ZNF251: variants seen among roughly 807,000 people sequenced by gnomAD.
The protein encoded by ZNF251 is zinc finger protein 251.
A neutral mutation model predicts 13.5 loss-of-function variants in ZNF251; 14 were observed. The ratio of observed to expected loss-of-function variants is 1.04; its 90% confidence interval spans 0.69 to 1.63. ZNF251 has a LOEUF of 1.63. Ranked by LOEUF, ZNF251 falls within the 40% of genes most tolerant of loss-of-function variation. ZNF251 has a pLI of 0.00. For synonymous variants in ZNF251, 287 were observed against 295.2 expected (o/e 0.97, Z 0.28); for missense variants, 764 against 834.9 (o/e 0.92, Z 1.05).
chr8:144,742,751 T>G (rs548463671), intron 4 of ZNF251, among the ~76,000 whole-genome samples: 3 of 152,156 alleles, frequency 2.0e-5, no homozygotes. Context: ...GTCACATAGT[T>G]GGAATCATAC....
chr8:144,721,027 T>C lies in ZNF251; in HGVS notation c.*617A>G, dbSNP rs768059900. ...GTGGAGATACTTGGTAGGCCCCTGC[T>C]TTCTTGGCCCCTAAGGTCCCTCTCT... On this transcript the variant is annotated 3_prime_UTR_variant, in exon 5 of 5. Coordinates refer to ENST00000292562, the MANE Select transcript of ZNF251 (RefSeq NM_138367.2). 1 of 152,738 alleles carries C rather than the reference T, an allele frequency of 6.5e-6. No homozygotes were observed. Among genetic ancestry groups the C allele is most frequent in the Non-Finnish European group, 1.5e-5 (1 of 68,406 alleles). 9.5% of individuals were successfully genotyped at this position (152,738 alleles called of 1,614,324 possible).
At chr8:144,747,537 T>G (rs774632485) in intron 4 of ZNF251, among the ~76,000 whole-genome samples, 77 of 152,224 alleles carry the variant, frequency 5.1e-4, no homozygotes, top group Non-Finnish European at 9.6e-4. Context: ...CGATAGAGGG[T>G]GCTGGATCTC....
rs1195466550 is a variant in ZNF251, at chr8:144,721,461, C to T, written c.*183G>A. 3 of 585,852 alleles carry T rather than the reference C, an allele frequency of 5.1e-6. No homozygotes were observed. Among genetic ancestry groups the T allele is most frequent in the East Asian group, 3.4e-5 (1 of 29,044 alleles). The allele number at this position is 585,852 out of a possible 1,614,324, so 36.3% of individuals were successfully genotyped here. A position where few individuals can be genotyped will look rare whatever the true frequency, so the allele number is the denominator to read the frequency against. On this transcript the variant is annotated 3_prime_UTR_variant, in exon 5 of 5. Coordinates refer to ENST00000292562, the MANE Select transcript of ZNF251 (RefSeq NM_138367.2). ...ACAGCAGTAACCTTTACACAGACAG[C>T]CTGATTTCCCAGAATGAATTCTCGT...
At chr8:144,723,606 G>T (rs564247866) in intron 4 of ZNF251, among the ~76,000 whole-genome samples, 1 of 152,116 alleles carries the variant, frequency 6.6e-6, no homozygotes, top group African/African-American at 2.4e-5. Context: ...AACAAATTAC[G>T]ATTTTTCACC....
intron 4 of ZNF251, among the ~76,000 whole-genome samples, chr8:144,737,127 C>T (rs1365544002): frequency 6.6e-6 from 1 of 151,238 alleles, no homozygotes; most frequent in Non-Finnish European, 1.5e-5. Flanking sequence ...TTAAGACAGT[C>T]TTGCTCTGTT....
At chr8:144,740,759 C>A (rs1046594511) in intron 4 of ZNF251, among the ~76,000 whole-genome samples, 29 of 151,532 alleles carry the variant, frequency 1.9e-4, no homozygotes, top group Non-Finnish European at 3.5e-4. Flanking sequence ...CATGGTGAAA[C>A]CCCATCTCTA....
chr8:144,722,053 T>A lies in ZNF251; in HGVS notation c.1607A>T (p.Gln536Leu), dbSNP rs780673678. 8.7e-6 allele frequency: 14 copies of A among 1,613,232 alleles called. No individual in the cohort carries two copies. Among genetic ancestry groups the A allele is most frequent in the Admixed American group, 1.7e-5 (1 of 59,946 alleles). The change falls in exon 5 of 5, where the codon CAG becomes CTG. Residue 536 changes from glutamine to leucine, a missense_variant. Coordinates refer to ENST00000292562, the MANE Select transcript of ZNF251 (RefSeq NM_138367.2). This position sits in a 1 kb window ranked among gnomAD's most constrained non-coding sequence, Gnocchi z 4.8. ...VHGSSLTADG[Q>L]IPTGEKHGRA... ...GCCGTGCTTCTCTCCAGTGGGAATC[T>A]GTCCATCTGCTGTGAGGCTGGAGCC...
rs560565397 is a variant in ZNF251, at chr8:144,726,641, C to T, written c.278-3259G>A. On this transcript the variant is annotated intron_variant, in intron 4 of 4. Transcript: ENST00000292562. ...ATCCCAGCACCTTGGGAGGCCGAGG[C>T]GGGTGGATCACAAGGTCAGGAGATC... 5.3e-5 allele frequency among the ~76,000 whole-genome samples: 8 copies of T among 152,182 alleles called. 1 individual carries two copies. The East Asian group carries it at 7.7e-4, about 15-fold the overall frequency.
intron 4 of ZNF251, among the ~76,000 whole-genome samples, chr8:144,728,242 G>C (rs1205102866): frequency 1.3e-5 from 2 of 152,004 alleles, no homozygotes; most frequent in East Asian, 3.8e-4. Context: ...CTGATCAGTG[G>C]GTCAGGACAG....
At position 144,721,863 on chromosome 8, in the gene ZNF251, A is replaced by G. The variant is rs1421651849; in HGVS notation, c.1797T>C (p.Cys599=). 6.7e-7 allele frequency: 1 copy of G among 1,499,556 alleles called. No homozygotes were observed. Among genetic ancestry groups the G allele is most frequent in the Non-Finnish European group, 8.9e-7 (1 of 1,123,922 alleles). The allele number at this position is 1,499,556 out of a possible 1,614,324, so 92.9% of individuals were successfully genotyped here. The change falls in exon 5 of 5, where the codon TGT becomes TGC. Residue 599 remains cysteine (C), a synonymous_variant. Transcript: ENST00000292562. The part of the protein sequence containing the change: ...AGEKPYKCQE[C]GNAFSGKSTL... Reference sequence around the variant, plus strand: ...TTGACTTTCCACTGAAGGCGTTTCCACATTCTTGACATTTATAGGGCTTTT... The same window carrying G: ...TTGACTTTCCACTGAAGGCGTTTCCGCATTCTTGACATTTATAGGGCTTTT...
At chr8:144,726,429 C>T (rs1019675553) in intron 4 of ZNF251, among the ~76,000 whole-genome samples, 1 of 151,252 alleles carries the variant, frequency 6.6e-6, no homozygotes, top group Non-Finnish European at 1.5e-5. Flanking sequence ...CCCAGCTACT[C>T]GGGAGGCTGA....
At chr8:144,739,623 C>G (rs1188637398) in intron 4 of ZNF251, among the ~76,000 whole-genome samples, 3 of 152,166 alleles carry the variant, frequency 2.0e-5, no homozygotes, top group African/African-American at 7.2e-5. Context: ...GCCCGGAAAC[C>G]TCATGTATTT....
At chr8:144,744,371 T>TA (rs1291933861) in intron 4 of ZNF251, among the ~76,000 whole-genome samples, 8 of 152,232 alleles carry the variant, frequency 5.3e-5, no homozygotes, top group Non-Finnish European at 1.0e-4. Context: ...GTGTTGTACC[T>TA]AAAAACTCAT....
chr8:144,745,932 C>T (rs529708652), intron 4 of ZNF251, among the ~76,000 whole-genome samples: 11 of 152,120 alleles, frequency 7.2e-5, no homozygotes, highest in Non-Finnish European at 1.5e-4. Context: ...TCCTCATGAA[C>T]AGACTATCTC....
intron 4 of ZNF251, among the ~76,000 whole-genome samples, chr8:144,737,740 G>A (rs1274609611): frequency 6.7e-6 from 1 of 149,362 alleles, no homozygotes; most frequent in East Asian, 2.0e-4. Context: ...GCTGAGGCAG[G>A]AGAATGGCGT....
chr8:144,731,023 T>C (rs1823678576), intron 4 of ZNF251, among the ~76,000 whole-genome samples: 1 of 152,076 alleles, frequency 6.6e-6, no homozygotes, highest in Admixed American at 6.6e-5. Flanking sequence ...AGACGGACTC[T>C]CCTCCAACTG....
chr8:144,729,676 A>T (rs1823635531), intron 4 of ZNF251, among the ~76,000 whole-genome samples: 1 of 152,004 alleles, frequency 6.6e-6, no homozygotes, highest in Non-Finnish European at 1.5e-5. Flanking sequence ...CTGATGTCTC[A>T]TATCAACGTA....
intron 4 of ZNF251, among the ~76,000 whole-genome samples, chr8:144,748,463 T>C (rs2953846): frequency 0.013 from 1,938 of 152,330 alleles, 41 homozygotes; most frequent in African/African-American, 0.044. Context: ...TCCGCTTTCT[T>C]TGGATTACTA....
intron 4 of ZNF251, among the ~76,000 whole-genome samples, chr8:144,747,847 G>C (rs1055418237): frequency 6.6e-6 from 1 of 151,934 alleles, no homozygotes; most frequent in African/African-American, 2.4e-5. Flanking sequence ...CCTGACCTCA[G>C]GTGATCCACC....
Sources: gnomAD v4.1 joint callset for allele counts (sites outside exome capture counted in the v4.1 genomes callset) on GRCh38, gnomAD v4.1.1 for gene constraint, Gnocchi (gnomAD v3.1) non-coding constraint, MANE v1.5 for transcripts, NCBI Gene and HGNC (gene_info 2026-07-23, HGNC 2026-07-21) for gene names.